Variants in DNAJC6 observed in about 807,000 individuals in gnomAD.
The protein encoded by DNAJC6 is DnaJ heat shock protein family (Hsp40) member C6, also known as auxilin.
A neutral mutation model predicts 110.0 loss-of-function variants in DNAJC6; 34 were observed. That is an observed-to-expected ratio of 0.31 (90% confidence interval 0.24 to 0.41). The LOEUF is 0.41. Ranked by LOEUF, DNAJC6 falls within the 10% of genes least tolerant of loss-of-function variation. The probability of loss-of-function intolerance (pLI) is 1.00; values close to 1 mark genes in which losing one functional copy is unlikely to be tolerated. For synonymous variants in DNAJC6, 406 were observed against 437.2 expected, an observed-to-expected ratio of 0.93 and a Z score of 0.89; for missense variants, 1,031 against 1,207.8, an observed-to-expected ratio of 0.85 and a Z score of 2.17.
At position 65,389,108 on chromosome 1, in the gene DNAJC6, A is replaced by C. The variant is rs12734187; in HGVS notation, c.1194-148A>C. On this transcript the variant is annotated intron_variant, in intron 9 of 18. Coordinates refer to ENST00000371069, the MANE Select transcript of DNAJC6 (RefSeq NM_001256864.2). Reference sequence around the variant, plus strand: ...TTAGGAAACTGAAGCTCAGAAAAGTAAAGTAACTTATCTGGTTATGACTGA... The same window carrying C: ...TTAGGAAACTGAAGCTCAGAAAAGTCAAGTAACTTATCTGGTTATGACTGA... The C allele has an allele frequency of 1.4e-3, 968 of 706,504 alleles. 6 individuals are homozygous for C. In the African/African-American group the frequency reaches 0.015, roughly 11 times the overall value. 43.8% of individuals were successfully genotyped at this position (706,504 alleles called of 1,614,324 possible).
At chr1:65,307,055 C>A (rs1466476550), upstream of DNAJC6, among the ~76,000 whole-genome samples, 5 of 139,052 alleles carry the variant, frequency 3.6e-5, no homozygotes, top group South Asian at 2.4e-4. Context: ...AGGTACTAAT[C>A]TAATTCTTCT....
chr1:65,337,719 A>G (rs901034977), intron 1 of DNAJC6, among the ~76,000 whole-genome samples: 1 of 152,176 alleles, frequency 6.6e-6, no homozygotes, highest in Non-Finnish European at 1.5e-5. Flanking sequence ...AATAGGTATT[A>G]TACATAATCT....
chr1:65,329,624 A>G (rs1217331925), intron 1 of DNAJC6, among the ~76,000 whole-genome samples: 1 of 152,106 alleles, frequency 6.6e-6, no homozygotes, highest in Non-Finnish European at 1.5e-5. Context: ...AGTGGCAGAA[A>G]TAGATTCAAA....
chr1:65,309,552 T>G lies in DNAJC6; in HGVS notation c.-194T>G, dbSNP rs7540105. 1.5e-4 allele frequency: 168 copies of G among 1,149,792 alleles called. 1 individual carries two copies. The African/African-American group carries it at 2.7e-3, about 19-fold the overall frequency. 71.2% of individuals were successfully genotyped at this position (1,149,792 alleles called of 1,614,324 possible). A position where few individuals can be genotyped will look rare whatever the true frequency, so the allele number is the denominator to read the frequency against. ...CTCCTCCCGGCGCCCCGAGCCGAGCTCAGCCCAGGGCGGCGGCTTCGCCTC... is the reference window on the plus strand; with the variant it reads ...CTCCTCCCGGCGCCCCGAGCCGAGCGCAGCCCAGGGCGGCGGCTTCGCCTC... On this transcript the variant is annotated 5_prime_UTR_variant, in exon 1 of 19. Transcript: ENST00000371069.
At chr1:65,302,103 AT>A (rs1644986876) in intron 1 of DNAJC6, among the ~76,000 whole-genome samples, 1 of 66,952 alleles carries the variant, frequency 1.5e-5, no homozygotes, top group South Asian at 3.8e-4. Context: ...TATATATAAT[AT>A]ATAATATATA....
chr1:65,336,062 C>T (rs1645332975), intron 1 of DNAJC6, among the ~76,000 whole-genome samples: 1 of 152,118 alleles, frequency 6.6e-6, no homozygotes, highest in Non-Finnish European at 1.5e-5. Context: ...AGTCTGTTCT[C>T]ATGCTACTAA....
intron 4 of DNAJC6, among the ~76,000 whole-genome samples, chr1:65,374,732 G>A (rs1267058068): frequency 6.6e-6 from 1 of 152,148 alleles, no homozygotes; most frequent in African/African-American, 2.4e-5. Flanking sequence ...TCGAACAAGG[G>A]TAATTTGACT....
chr1:65,311,215 G>GTTTTTTTTTTTT (rs71056098), intron 1 of DNAJC6, among the ~76,000 whole-genome samples: 4 of 68,830 alleles, frequency 5.8e-5, no homozygotes, highest in African/African-American at 1.1e-4. Flanking sequence ...TTTCAGGACT[G>GTTTTTTTTTTTT]TTTTTTTTTT....
chr1:65,341,165 C>T (rs1291735060), intron 1 of DNAJC6, among the ~76,000 whole-genome samples: 4 of 152,202 alleles, frequency 2.6e-5, no homozygotes, highest in African/African-American at 7.2e-5. Flanking sequence ...TAGCACACAG[C>T]GGGAGCCTGG....
chr1:65,412,853 G>T, intron 18 of DNAJC6, 71 bp from the exon 19 acceptor site: 1 of 1,233,930 alleles, frequency 8.1e-7, no homozygotes, highest in Non-Finnish European at 1.2e-6. Context: ...CCATATATTG[G>T]CAGTGAAAAA....
intron 1 of DNAJC6, among the ~76,000 whole-genome samples, chr1:65,327,905 GTGTC>G (rs1238089211): frequency 2.0e-5 from 3 of 152,022 alleles, no homozygotes; most frequent in Non-Finnish European, 4.4e-5. Flanking sequence ...GGTAGAGATG[GTGTC>G]TCACCATGTT....
At chr1:65,397,687 A>T (rs968565491) in intron 13 of DNAJC6, among the ~76,000 whole-genome samples, 5 of 152,156 alleles carry the variant, frequency 3.3e-5, no homozygotes, top group Non-Finnish European at 5.9e-5. Context: ...GCTTAAAGGA[A>T]ATCAGATAGA....
intron 7 of DNAJC6, among the ~76,000 whole-genome samples, chr1:65,386,180 TGAA>T (rs762616370): frequency 3.9e-5 from 6 of 152,158 alleles, no homozygotes; most frequent in Non-Finnish European, 8.8e-5. Context: ...ACCTGGTCAT[TGAA>T]GAAGGAGATG....
At chr1:65,400,905 A>G (rs1479260359) in intron 14 of DNAJC6, among the ~76,000 whole-genome samples, 1 of 152,226 alleles carries the variant, frequency 6.6e-6, no homozygotes, top group Non-Finnish European at 1.5e-5. Flanking sequence ...AGGAATCTCC[A>G]AATTGTTTCC....
chr1:65,273,461 C>T (rs983470968), intron 1 of DNAJC6, among the ~76,000 whole-genome samples: 9 of 151,854 alleles, frequency 5.9e-5, no homozygotes, highest in Admixed American at 3.9e-4. Flanking sequence ...TAGTTGAGCA[C>T]GGTGGTATGT....
At chr1:65,357,394 T>A (rs1645553626) in intron 1 of DNAJC6, among the ~76,000 whole-genome samples, 2 of 152,212 alleles carry the variant, frequency 1.3e-5, no homozygotes, top group South Asian at 4.1e-4. Context: ...GGAAAAGTGA[T>A]GTTCTGTGGA....
chr1:65,350,179 T>C (rs1022902048), intron 1 of DNAJC6, among the ~76,000 whole-genome samples: 8 of 152,200 alleles, frequency 5.3e-5, no homozygotes, highest in African/African-American at 1.9e-4. Flanking sequence ...GTAAACTGCT[T>C]GCATGATGTT....
intron 15 of DNAJC6, among the ~76,000 whole-genome samples, chr1:65,405,351 C>G (rs1448616482): frequency 6.6e-6 from 1 of 152,208 alleles, no homozygotes; most frequent in East Asian, 1.9e-4. Context: ...CTCTTGGGCA[C>G]TAACCATGCT....
In DNAJC6 at chr1:65,309,606, C is replaced by A. The variant is rs772515803; in HGVS notation, c.-140C>A. The A allele has an allele frequency of 7.5e-7, 1 of 1,336,580 alleles. No individual in the cohort carries two copies. The highest frequency in any genetic ancestry group is 9.5e-7 in the Non-Finnish European group (1 of 1,048,852). The allele number at this position is 1,336,580 out of a possible 1,614,324, so 82.8% of individuals were successfully genotyped here. On this transcript the variant is annotated 5_prime_UTR_variant, in exon 1 of 19. Coordinates refer to ENST00000371069, the MANE Select transcript of DNAJC6 (RefSeq NM_001256864.2). The stretch of plus-strand genomic sequence containing the variant: ...CGGCGAAGCTTCTCTCCGGTGGCCG[C>A]TCCTTCTTTTCCCTCCTCTTTGCGT...
Sources: allele counts gnomAD v4.1 joint callset (sites outside exome capture counted in the v4.1 genomes callset), GRCh38; gene constraint gnomAD v4.1.1; transcripts MANE v1.5; gene names NCBI Gene and HGNC (gene_info 2026-07-23, HGNC 2026-07-21).